The following TRPC5 variants were observed in gnomAD, a reference collection of about 807,000 sequenced individuals.
TRPC5 encodes the protein short transient receptor potential channel 5.
In TRPC5, 9 loss-of-function variants were observed where a neutral mutation model predicts 56.5. The ratio of observed to expected loss-of-function variants is 0.16; its 90% confidence interval spans 0.10 to 0.28. The LOEUF (loss-of-function observed/expected upper bound fraction) is 0.28, where lower values mean the gene tolerates loss of function less well. Ranked by LOEUF, TRPC5 falls within the 10% of genes least tolerant of loss-of-function variation. TRPC5 has a pLI of 1.00. For synonymous variants in TRPC5, 282 were observed against 278.5 expected (o/e 1.01, Z -0.13); for missense variants, 469 against 748.9 (o/e 0.63, Z 4.36).
chrX:111,917,546 G>C (rs1034285681), intron 2 of TRPC5, among the ~76,000 whole-genome samples: 1 of 112,415 alleles, frequency 8.9e-6, no homozygotes, highest in Admixed American at 9.4e-5. Flanking sequence ...TAAAAGTTCA[G>C]TTTTGTGCTT....
At chrX:111,821,922 C>A (rs1285438172) in intron 7 of TRPC5, among the ~76,000 whole-genome samples, 4 of 111,065 alleles carry the variant, frequency 3.6e-5, no homozygotes, top group Admixed American at 9.6e-5. Flanking sequence ...TTCCGGGGTA[C>A]CCTTTGGTTG....
intron 7 of TRPC5, among the ~76,000 whole-genome samples, chrX:111,827,022 G>A (rs374613905): frequency 1.8e-5 from 2 of 111,907 alleles, no homozygotes; most frequent in East Asian, 2.8e-4. Flanking sequence ...ACATGATAGT[G>A]TAGAGGTTCT....
At chrX:111,899,231 C>T (rs1464300874) in intron 3 of TRPC5, among the ~76,000 whole-genome samples, 1 of 110,722 alleles carries the variant, frequency 9.0e-6, no homozygotes, top group East Asian at 2.8e-4. Context: ...AGTCCCCCGC[C>T]CCACAAAAAA....
chrX:111,942,503 G>A (rs1255429806), intron 2 of TRPC5, among the ~76,000 whole-genome samples: 8 of 111,477 alleles, frequency 7.2e-5, no homozygotes, highest in Non-Finnish European at 1.5e-4. Context: ...GGGGGCAGGA[G>A]GTATTTGTGT....
At chrX:111,777,820 A>G (rs1467752575) in intron 10 of TRPC5, among the ~76,000 whole-genome samples, 1 of 112,323 alleles carries the variant, frequency 8.9e-6, no homozygotes, top group Non-Finnish European at 1.9e-5. Flanking sequence ...CTTAAGCATC[A>G]CTTCCATTGG....
intron 7 of TRPC5, among the ~76,000 whole-genome samples, chrX:111,810,255 A>G (rs557789478): frequency 9.0e-6 from 1 of 111,225 alleles, no homozygotes; most frequent in South Asian, 3.8e-4. Flanking sequence ...TCTTGGGTCT[A>G]GCCCACACTC....
intron 7 of TRPC5, among the ~76,000 whole-genome samples, chrX:111,814,728 C>T (rs1921808923): frequency 9.0e-6 from 1 of 110,513 alleles, no homozygotes; most frequent in Non-Finnish European, 1.9e-5. Context: ...GAAAGGGCTG[C>T]TAATCCCCCT....
At chrX:111,992,977 G>C (rs182833327) in intron 1 of TRPC5, among the ~76,000 whole-genome samples, 33 of 110,500 alleles carry the variant, frequency 3.0e-4, no homozygotes, top group African/African-American at 1.0e-3. Context: ...AGGTATACAT[G>C]TGCCATGTTG....
rs191547364 is a variant in TRPC5, at chrX:112,017,820, C to T, written c.-22+64059G>A. Among the ~76,000 whole-genome samples the T allele has an allele frequency of 6.0e-4, 67 of 112,077 alleles. 1 individual carries two copies. Among genetic ancestry groups the T allele is most frequent in the African/African-American group, 2.1e-3 (64 of 30,816 alleles). ...TTCCTTCTTCTAGAACACCGTTTTA[C>T]CTGCCATTCATCTGGTTAACACTTA... On this transcript the variant is annotated intron_variant, in intron 1 of 10. Transcript: ENST00000262839.
rs934513546 is a variant in TRPC5, at chrX:111,842,778, A to G, written c.1700+4336T>C. On this transcript the variant is annotated intron_variant, in intron 6 of 10. Coordinates refer to ENST00000262839, the MANE Select transcript of TRPC5 (RefSeq NM_012471.3). ...CTTGGGCCAAGTGCCCAAGTACAGGATGAGAGAGGTAGGAGAAAGGCCAAG... is the reference window on the plus strand; with the variant it reads ...CTTGGGCCAAGTGCCCAAGTACAGGGTGAGAGAGGTAGGAGAAAGGCCAAG... Among the ~76,000 whole-genome samples the G allele has an allele frequency of 5.5e-5, 6 of 109,844 alleles. No homozygotes were observed. In the Admixed American group the frequency reaches 5.8e-4, roughly 11 times the overall value.
At chrX:112,029,433 G>A (rs984800671) in intron 1 of TRPC5, among the ~76,000 whole-genome samples, 17 of 111,692 alleles carry the variant, frequency 1.5e-4, no homozygotes, top group Non-Finnish European at 2.6e-4. Context: ...CTTGGCTATC[G>A]CTAATAGTGC....
At position 111,804,829 on chromosome X, in the gene TRPC5, A is replaced by G. The variant is rs188286765; in HGVS notation, c.1897-22691T>C. On this transcript the variant is annotated intron_variant, in intron 7 of 10. Coordinates refer to ENST00000262839, the MANE Select transcript of TRPC5 (RefSeq NM_012471.3). ...ATTTGACTTCCTCATTTCCCAATTG[A>G]ATATCCTTTATTTCTTTCTCTTGCC... is the stretch of plus-strand genomic sequence containing the variant. 1.5e-4 allele frequency among the ~76,000 whole-genome samples: 17 copies of G among 111,771 alleles called. No homozygotes were observed. In the East Asian group the frequency reaches 4.8e-3, roughly 31 times the overall value.
At chrX:111,995,981 C>G (rs1330033424) in intron 1 of TRPC5, among the ~76,000 whole-genome samples, 3 of 108,631 alleles carry the variant, frequency 2.8e-5, no homozygotes, top group Admixed American at 2.0e-4. Flanking sequence ...GTCTCTATCT[C>G]TTTCACTTCT....
intron 3 of TRPC5, among the ~76,000 whole-genome samples, chrX:111,907,112 GAAAA>G (rs746535996): frequency 1.4e-5 from 1 of 70,482 alleles, no homozygotes. Flanking sequence ...AAGGTCATTT[GAAAA>G]AAAAAAAAAA....
At chrX:111,949,052 A>G (rs1418616906) in intron 2 of TRPC5, among the ~76,000 whole-genome samples, 1 of 111,987 alleles carries the variant, frequency 8.9e-6, no homozygotes, top group Non-Finnish European at 1.9e-5. Context: ...TACCTAAGGG[A>G]CTTTATCTGC....
chrX:111,868,719 C>T (rs971473441), intron 3 of TRPC5, among the ~76,000 whole-genome samples: 3 of 111,456 alleles, frequency 2.7e-5, no homozygotes, highest in Non-Finnish European at 5.6e-5. Context: ...GTCCCCTATA[C>T]CAGAGGAGAA....
Position 111,782,143 on chromosome X carries a change from G to A in TRPC5, c.1897-5C>T, listed in dbSNP as rs781639538. 4 of 1,191,641 alleles carry A rather than the reference G, an allele frequency of 3.4e-6. No individual in the cohort carries two copies. The highest frequency in any genetic ancestry group is 3.4e-6 in the Non-Finnish European group (3 of 883,984). On this transcript the variant is annotated splice_polypyrimidine_tract_variant and splice_region_variant and intron_variant, in intron 7 of 10. Transcript: ENST00000262839. ...CCACTCGATATCAGCATGATCCTAT[G>A]AAAGATAATGAAGTTCAAGGATTTG...
rs1223803993 is a variant in TRPC5 at position 112,081,001 on chromosome X, G to C, written c.-22+878C>G. On this transcript the variant is annotated intron_variant, in intron 1 of 10. Coordinates refer to ENST00000262839, the MANE Select transcript of TRPC5 (RefSeq NM_012471.3). ...CTCTCCTACTCTTATAATAAACTCG[G>C]GTAAAGTTCAGAGGTTCTATCTTTC... 2.7e-5 allele frequency among the ~76,000 whole-genome samples: 3 copies of C among 111,953 alleles called. 1 individual carries two copies. Among genetic ancestry groups the C allele is most frequent in the African/African-American group, 9.8e-5 (3 of 30,763 alleles).
At chrX:111,784,914 G>T (rs961500913) in intron 7 of TRPC5, among the ~76,000 whole-genome samples, 17 of 112,525 alleles carry the variant, frequency 1.5e-4, no homozygotes, top group African/African-American at 5.5e-4. Context: ...AAGCAGCCAG[G>T]AAGCTCGAAC....
Sources: gnomAD v4.1 joint callset for allele counts (sites outside exome capture counted in the v4.1 genomes callset) on GRCh38, gnomAD v4.1.1 for gene constraint, MANE v1.5 for transcripts, NCBI Gene and HGNC (gene_info 2026-07-23, HGNC 2026-07-21) for gene names.